Variants in SHISA9 observed in about 807,000 individuals in gnomAD.
SHISA9 encodes the protein shisa family member 9.
In SHISA9, 13 loss-of-function variants were observed where a neutral mutation model predicts 38.0. That is an observed-to-expected ratio of 0.34 (90% CI 0.22 to 0.54). The LOEUF (loss-of-function observed/expected upper bound fraction) is 0.54. Ranked by LOEUF, SHISA9 falls within the 20% of genes least tolerant of loss-of-function variation. The pLI is 0.91. For missense variants in SHISA9, 538 were observed against 575.8 expected, an observed-to-expected ratio of 0.93 and a Z score of 0.67; for synonymous variants, 275 against 242.0, an observed-to-expected ratio of 1.14 and a Z score of -1.27.
chr16:13,279,182 C>T, the SHISA9 span, among the ~76,000 whole-genome samples: 39 of 152,048 alleles, frequency 2.6e-4, no homozygotes, highest in East Asian at 6.9e-3. Context: ...AGTTAATTTC[C>T]GTGTATTTGC....
chr16:12,941,976 C>A (rs950717100), intron 2 of SHISA9, among the ~76,000 whole-genome samples: 1 of 152,092 alleles, frequency 6.6e-6, no homozygotes, highest in Non-Finnish European at 1.5e-5. Context: ...GGCACAGTGG[C>A]GGGTTTTGTT....
the SHISA9 span, among the ~76,000 whole-genome samples, chr16:13,274,585 G>T: frequency 6.6e-6 from 1 of 152,046 alleles, no homozygotes; most frequent in African/African-American, 2.4e-5. Context: ...AATTCCCCAT[G>T]GTAGAGATAA....
chr16:13,362,689 T>A, the SHISA9 span, among the ~76,000 whole-genome samples: 1 of 152,224 alleles, frequency 6.6e-6, no homozygotes, highest in Non-Finnish European at 1.5e-5. Context: ...CCTTATCCCA[T>A]ATCCCTGGTG....
chr16:13,135,567 T>C (rs1357242630), intron 2 of SHISA9, among the ~76,000 whole-genome samples: 1 of 152,230 alleles, frequency 6.6e-6, no homozygotes, highest in African/African-American at 2.4e-5. Flanking sequence ...CTGGTTGCAG[T>C]TGAACTTCTC....
intron 2 of SHISA9, among the ~76,000 whole-genome samples, chr16:13,012,067 C>A (rs766180814): frequency 3.9e-5 from 6 of 152,124 alleles, no homozygotes; most frequent in Non-Finnish European, 8.8e-5. Context: ...CTCATGTGAT[C>A]CACCCACCTC....
At chr16:13,179,049 G>C (rs1278397946) in intron 2 of SHISA9, among the ~76,000 whole-genome samples, 1 of 152,160 alleles carries the variant, frequency 6.6e-6, no homozygotes, top group Non-Finnish European at 1.5e-5. Flanking sequence ...GGCTGGGCAT[G>C]GTGGCTCACA....
At chr16:13,076,435 T>G (rs1220912133) in intron 2 of SHISA9, among the ~76,000 whole-genome samples, 1 of 152,228 alleles carries the variant, frequency 6.6e-6, no homozygotes, top group Non-Finnish European at 1.5e-5. Flanking sequence ...ATGACATTAC[T>G]TCTTTACCTA....
intron 2 of SHISA9, among the ~76,000 whole-genome samples, chr16:12,943,687 A>T (rs923184616): frequency 6.6e-6 from 1 of 152,162 alleles, no homozygotes; most frequent in Non-Finnish European, 1.5e-5. Context: ...GGAGGTAGAA[A>T]GTTTGTCTCC....
At chr16:13,158,295 C>CT (rs1190696634) in intron 2 of SHISA9, among the ~76,000 whole-genome samples, 1 of 152,222 alleles carries the variant, frequency 6.6e-6, no homozygotes, top group African/African-American at 2.4e-5. Flanking sequence ...TGGAATTAGT[C>CT]TGAGTTCTTA....
At chr16:13,503,687 CA>C in the SHISA9 span, among the ~76,000 whole-genome samples, 29,904 of 148,262 alleles carry the variant, frequency 0.2, 4,352 homozygotes, top group African/African-American at 0.42. Flanking sequence ...AAGGAGTGAC[CA>C]AAAAAAAAAA....
At chr16:13,105,131 C>A (rs781632885) in intron 2 of SHISA9, among the ~76,000 whole-genome samples, 1 of 152,140 alleles carries the variant, frequency 6.6e-6, no homozygotes, top group South Asian at 2.1e-4. Context: ...TACTATTATA[C>A]GCTCAATAAA....
chr16:13,461,167 C>T, the SHISA9 span, among the ~76,000 whole-genome samples: 1 of 152,210 alleles, frequency 6.6e-6, no homozygotes, highest in Non-Finnish European at 1.5e-5. Context: ...GCTCTCCCAA[C>T]CTGTGCACAC....
chr16:13,164,233 A>T (rs1203574670), intron 2 of SHISA9, among the ~76,000 whole-genome samples: 1 of 152,032 alleles, frequency 6.6e-6, no homozygotes, highest in African/African-American at 2.4e-5. Flanking sequence ...TTATGCATCT[A>T]TTGAAATGAT....
the SHISA9 span, among the ~76,000 whole-genome samples, chr16:13,337,451 A>C: frequency 2.0e-5 from 3 of 152,244 alleles, no homozygotes; most frequent in South Asian, 2.1e-4. Flanking sequence ...TGAGTCCATT[A>C]AACCTCTTTC....
intron 2 of SHISA9, among the ~76,000 whole-genome samples, chr16:12,965,597 C>T (rs1038160735): frequency 1.5e-4 from 23 of 152,178 alleles, no homozygotes; most frequent in African/African-American, 4.3e-4. Flanking sequence ...TAGCTTCCAA[C>T]GTCACTTAGG....
At chr16:13,271,229 C>T in the SHISA9 span, among the ~76,000 whole-genome samples, 3 of 152,200 alleles carry the variant, frequency 2.0e-5, no homozygotes, top group African/African-American at 7.2e-5. Flanking sequence ...GGAACTGTAA[C>T]ATCAGTGTAG....
the SHISA9 span, among the ~76,000 whole-genome samples, chr16:13,545,486 C>T: frequency 1.0e-3 from 155 of 152,244 alleles, no homozygotes; most frequent in Admixed American, 2.4e-3. Context: ...TTGGCTGTTG[C>T]CCCTGGCAAC....
chr16:13,232,772 G>C (rs1235311242), intron 4 of SHISA9, among the ~76,000 whole-genome samples: 1 of 152,134 alleles, frequency 6.6e-6, no homozygotes, highest in Admixed American at 6.5e-5. Flanking sequence ...TAAAGACCTG[G>C]GATCAATAGA....
chr16:12,923,318 C>T (rs2071351925), intron 2 of SHISA9, among the ~76,000 whole-genome samples: 2 of 152,202 alleles, frequency 1.3e-5, no homozygotes, highest in Non-Finnish European at 2.9e-5. Flanking sequence ...CCCTTGAGGC[C>T]ATGAGTTTGA....
Sources: allele counts gnomAD v4.1 joint callset (sites outside exome capture counted in the v4.1 genomes callset), GRCh38; gene constraint gnomAD v4.1.1; transcripts MANE v1.5; gene names NCBI Gene and HGNC (gene_info 2026-07-23, HGNC 2026-07-21).